GOLGB1: variants seen among roughly 807,000 people sequenced by gnomAD.
GOLGB1 encodes golgin subfamily B member 1.
In GOLGB1, 174 loss-of-function variants were observed where a neutral mutation model predicts 336.9. The ratio of observed to expected loss-of-function variants is 0.52; its 90% CI spans 0.46 to 0.59. The LOEUF is 0.59. Ranked by LOEUF, GOLGB1 falls within the 20% of genes least tolerant of loss-of-function variation. The pLI is 0.00. For missense variants in GOLGB1, 3,331 were observed against 3,645.3 expected, an observed-to-expected ratio of 0.91 and a Z score of 2.22; for synonymous variants, 1,208 against 1,289.2, an observed-to-expected ratio of 0.94 and a Z score of 1.35.
chr3:121,683,606 G>C (rs2107687439), intron 14 of GOLGB1, among the ~76,000 whole-genome samples: 1 of 152,222 alleles, frequency 6.6e-6, no homozygotes, highest in South Asian at 2.1e-4. Flanking sequence ...AGAGTACATT[G>C]AGGATTAACC....
Position 121,717,035 on chromosome 3 carries a change from T to A in GOLGB1, c.990A>T (p.Glu330Asp). The A allele has an allele frequency of 6.2e-7, 1 of 1,613,638 alleles. No homozygotes were observed. The highest frequency in any genetic ancestry group is 8.5e-7 in the Non-Finnish European group (1 of 1,179,540). Residue 330 changes from glutamate to aspartate, a missense_variant, in exon 9 of 22, where the codon GAA becomes GAT. By Grantham distance (45) the Glu-to-Asp change is conservative (BLOSUM62 2). Coordinates refer to ENST00000614479, the MANE Select transcript of GOLGB1 (RefSeq NM_001366282.2). ...ATAATTTTCTCTCTGCCACTTCAAG[T>A]TCCATCTTTTCCAGTAGAATCTTGG... ...EESKILLEKM[E>D]LEVAERKLSF... is the part of the protein sequence containing the mutation.
chr3:121,741,210 A>G (rs368345544), intron 1 of GOLGB1, among the ~76,000 whole-genome samples: 4 of 152,178 alleles, frequency 2.6e-5, no homozygotes, highest in African/African-American at 7.2e-5. Context: ...TAAAGAATTT[A>G]CTAGAGGCAA....
chr3:121,707,210 A>G (rs1943937416), intron 10 of GOLGB1, among the ~76,000 whole-genome samples: 1 of 136,158 alleles, frequency 7.3e-6, no homozygotes, highest in African/African-American at 2.7e-5. Flanking sequence ...CTGGTGACAA[A>G]GTGAGACTCC....
chr3:121,666,541 T>C lies in GOLGB1; in HGVS notation c.9554+935A>G, dbSNP rs867994895. On this transcript the variant is annotated intron_variant, in intron 20 of 21. Transcript: ENST00000614479. ...AGCAAAGCTGGCCCACCCTCAAAGC[T>C]GCATATCAAGGCCTGAATAGGTGAT... Among the ~76,000 whole-genome samples, 15 of 152,290 alleles carry C rather than the reference T, an allele frequency of 9.8e-5. No individual in the cohort carries two copies. The South Asian group carries it at 1.9e-3, about 19-fold the overall frequency.
chr3:121,711,027 T>C (rs1944323981), intron 10 of GOLGB1, among the ~76,000 whole-genome samples: 1 of 151,856 alleles, frequency 6.6e-6, no homozygotes. Flanking sequence ...ACCCTGTCTC[T>C]ACTAAAAGTA....
chr3:121,713,148 C>A (rs960284642), intron 10 of GOLGB1, among the ~76,000 whole-genome samples: 3 of 151,848 alleles, frequency 2.0e-5, no homozygotes, highest in Non-Finnish European at 4.4e-5. Context: ...GGCGACAGAC[C>A]AAGACTCCGT....
rs142038021 is a variant in GOLGB1 at position 121,705,996 on chromosome 3, G to A, written c.1405-3401C>T. Reference sequence around the variant, plus strand: ...TTTTTTCAAAGAATTTAACTGAGTCGCATAAAAAAAGCTCCAAAATATGTT... The same window carrying A: ...TTTTTTCAAAGAATTTAACTGAGTCACATAAAAAAAGCTCCAAAATATGTT... On this transcript the variant is annotated intron_variant, in intron 10 of 21. Coordinates refer to ENST00000614479, the MANE Select transcript of GOLGB1 (RefSeq NM_001366282.2). Among the ~76,000 whole-genome samples the A allele has an allele frequency of 2.8e-3, 433 of 152,004 alleles. 1 individual carries two copies. Among genetic ancestry groups the A allele is most frequent in the African/African-American group, 9.6e-3 (400 of 41,472 alleles).
At chr3:121,668,670 C>T (rs10934556) in intron 18 of GOLGB1, among the ~76,000 whole-genome samples, 1 of 124,382 alleles carries the variant, frequency 8.0e-6, no homozygotes, top group Non-Finnish European at 1.6e-5. Context: ...GAGACTCCGT[C>T]TCAAAAAAAA....
Position 121,676,894 on chromosome 3 carries a change from T to C in GOLGB1, c.9176A>G (p.Asn3059Ser). The change falls in exon 17 of 22, where the codon AAC becomes AGC. Residue 3059 changes from asparagine (N) to serine (S), a missense_variant and splice_region_variant. Coordinates refer to ENST00000614479, the MANE Select transcript of GOLGB1 (RefSeq NM_001366282.2). ...KELRIQQLNS[N>S]FSQLLEEKNT... ...TCCAGTCTAACAAGAAACACTTACG[T>C]TGCTGTTCAGTTGCTGAATTCTTAA... 2.5e-6 allele frequency: 4 copies of C among 1,613,540 alleles called. No individual in the cohort carries two copies. Among genetic ancestry groups the C allele is most frequent in the Non-Finnish European group, 3.4e-6 (4 of 1,179,438 alleles).
At position 121,695,976 on chromosome 3, in the gene GOLGB1, C is replaced by T. The variant is rs543747427; in HGVS notation, c.4547G>A (p.Gly1516Asp). 10 of 1,613,996 alleles carry T rather than the reference C, an allele frequency of 6.2e-6. No individual in the cohort carries two copies. The East Asian group carries it at 1.8e-4, about 29-fold the overall frequency. The change falls in exon 13 of 22, where the codon GGT becomes GAT. Residue 1516 changes from glycine to aspartate, a missense_variant. By Grantham distance (94) the Gly-to-Asp change is moderately conservative (BLOSUM62 -1). Transcript: ENST00000614479. ...SLQEELSLAR[G>D]TIERLTKSLA... is the part of the protein sequence containing the mutation. ...AGACTTGGTGAGACGTTCAATGGTA[C>T]CTCTGGCCAAAGACAATTCCTCTTG...
At chr3:121,669,515 ATT>A (rs11363204) in intron 17 of GOLGB1, among the ~76,000 whole-genome samples, 160 bp from the exon 18 acceptor site, 6 of 152,148 alleles carry the variant, frequency 3.9e-5, no homozygotes, top group Non-Finnish European at 2.9e-5. Context: ...AAAAAGCATA[ATT>A]TTTTTTTGAC....
intron 14 of GOLGB1, among the ~76,000 whole-genome samples, chr3:121,690,137 C>T (rs1942275272): frequency 6.6e-6 from 1 of 152,176 alleles, no homozygotes; most frequent in Non-Finnish European, 1.5e-5. Context: ...GTCATTTCAA[C>T]TTATTTAAAG....
intron 1 of GOLGB1, among the ~76,000 whole-genome samples, chr3:121,738,190 G>A (rs1946612583): frequency 6.6e-6 from 1 of 152,096 alleles, no homozygotes; most frequent in Non-Finnish European, 1.5e-5. Flanking sequence ...AAATCATAAT[G>A]GAACCTAACT....
intron 17 of GOLGB1, among the ~76,000 whole-genome samples, chr3:121,669,899 T>C (rs1419024491): frequency 6.6e-6 from 1 of 152,136 alleles, no homozygotes; most frequent in Non-Finnish European, 1.5e-5. Flanking sequence ...AATCCCAACA[T>C]GTATATGTAT....
At position 121,695,211 on chromosome 3, in the gene GOLGB1, T is replaced by G; in HGVS notation, c.5312A>C (p.Asn1771Thr). 6.2e-7 allele frequency: 1 copy of G among 1,613,614 alleles called. No individual in the cohort carries two copies. Among genetic ancestry groups the G allele is most frequent in the Non-Finnish European group, 8.5e-7 (1 of 1,179,876 alleles). Reference sequence around the variant, plus strand: ...CTCTAGGTTAGCTTGTTTAGATACATTACCTTCTATCTGATGCTTTAAATC... The same window carrying G: ...CTCTAGGTTAGCTTGTTTAGATACAGTACCTTCTATCTGATGCTTTAAATC... ...VQDLKHQIEG[N>T]VSKQANLEAT... The change falls in exon 13 of 22, where the codon AAT becomes ACT. Residue 1771 changes from asparagine (N) to threonine (T), a missense_variant. Coordinates refer to ENST00000614479, the MANE Select transcript of GOLGB1 (RefSeq NM_001366282.2).
chr3:121,743,149 T>C (rs1019853024), intron 1 of GOLGB1, among the ~76,000 whole-genome samples: 2 of 152,156 alleles, frequency 1.3e-5, no homozygotes, highest in Non-Finnish European at 1.5e-5. Context: ...CATGCTACTA[T>C]AAAGACATAT....
rs756559633 is a variant in GOLGB1, at chr3:121,698,107, G to C, written c.2416C>G (p.Leu806Val). Residue 806 changes from leucine (L) to valine (V), a missense_variant, in exon 13 of 22, where the codon CTC (leucine) becomes GTC (valine). Transcript: ENST00000614479. ...DNLLTEQIHS[L>V]SIEAKSKDVK... Reference sequence around the variant, plus strand: ...TCTTTAGATTTGGCTTCTATGCTGAGACTATGGATCTGTTCAGTGAGCAGG... The same window carrying C: ...TCTTTAGATTTGGCTTCTATGCTGACACTATGGATCTGTTCAGTGAGCAGG... The C allele has an allele frequency of 4.3e-6, 7 of 1,613,942 alleles. No individual in the cohort carries two copies. In the South Asian group the frequency reaches 7.7e-5, roughly 18 times the overall value.
At chr3:121,723,024 C>T (rs1945305823) in intron 5 of GOLGB1, among the ~76,000 whole-genome samples, 2 of 152,078 alleles carry the variant, frequency 1.3e-5, no homozygotes, top group Admixed American at 6.6e-5. Context: ...TAAGAAGAAA[C>T]TGCGAGGAGT....
At chr3:121,730,785 G>A in intron 2 of GOLGB1, 91 bp downstream of exon 2, 4 of 1,238,020 alleles carry the variant, frequency 3.2e-6, no homozygotes, top group Non-Finnish European at 4.4e-6. Flanking sequence ...GTACCAGGGA[G>A]GCTTCGCACA....
Sources: allele counts gnomAD v4.1 joint callset (sites outside exome capture counted in the v4.1 genomes callset), GRCh38; gene constraint gnomAD v4.1.1; transcripts MANE v1.5; gene names NCBI Gene and HGNC (gene_info 2026-07-23, HGNC 2026-07-21).